Variants in KBTBD11 observed in about 807,000 individuals in gnomAD.
The protein encoded by KBTBD11 is kelch repeat and BTB domain-containing protein 11.
For missense variants in KBTBD11, 1,390 were observed against 1,001.8 expected (o/e 1.39, Z -5.23); for synonymous variants, 747 against 499.0 (o/e 1.50, Z -6.63).
chr8:1,974,317 G>C, intron 1 of KBTBD11: 3 of 984,480 alleles, frequency 3.0e-6, no homozygotes, highest in Non-Finnish European at 3.6e-6. Context: ...AGCCGCCCGC[G>C]CCGCGCCCGC....
chr8:1,977,224 T>C (rs1038415349), intron 1 of KBTBD11, among the ~76,000 whole-genome samples: 1 of 152,156 alleles, frequency 6.6e-6, no homozygotes, highest in Non-Finnish European at 1.5e-5. Flanking sequence ...TTCATATGGA[T>C]TAATTTTGTA....
chr8:1,978,476 T>G (rs1816426246), intron 1 of KBTBD11, among the ~76,000 whole-genome samples: 1 of 152,214 alleles, frequency 6.6e-6, no homozygotes, highest in South Asian at 2.1e-4. Context: ...CCCCTGTCAC[T>G]GTGTGACCGT....
Position 2,002,982 on chromosome 8 carries a change from C to T in KBTBD11, c.1790C>T (p.Pro597Leu), listed in dbSNP as rs553154802. 2 of 1,310,028 alleles carry T rather than the reference C, an allele frequency of 1.5e-6. No individual in the cohort carries two copies. Among genetic ancestry groups the T allele is most frequent in the Non-Finnish European group, 1.9e-6 (2 of 1,030,864 alleles). 81.2% of individuals were successfully genotyped at this position (1,310,028 alleles called of 1,614,324 possible). Residue 597 changes from proline to leucine, a missense_variant, in exon 2 of 2, where the codon CCC becomes CTC. Physicochemically the swap from Pro to Leu is moderately conservative, Grantham distance 98 (BLOSUM62 -3). Transcript: ENST00000320248. The surrounding 1 kb of genome is among the most constrained non-coding windows in gnomAD (Gnocchi z 4.1). The stretch of plus-strand genomic sequence containing the variant: ...GGCGGCTTCGAGGCGCTGGGCGCCC[C>T]CTTGGACGTCCGGGGTGTGCTCATC... ...QGGGFEALGAPLDVRGVLIPF... is the reference protein window; with the variant it reads ...QGGGFEALGALLDVRGVLIPF...
chr8:1,982,893 T>G (rs972098002), intron 1 of KBTBD11, among the ~76,000 whole-genome samples: 1 of 152,114 alleles, frequency 6.6e-6, no homozygotes, highest in Non-Finnish European at 1.5e-5. Context: ...GCCCAACTAA[T>G]TTTTGTACTT....
At chr8:1,985,958 C>T (rs903289857) in intron 1 of KBTBD11, among the ~76,000 whole-genome samples, 1 of 152,238 alleles carries the variant, frequency 6.6e-6, no homozygotes, top group African/African-American at 2.4e-5. Flanking sequence ...CACACTCCCG[C>T]GTGGCAATTG....
chr8:1,979,525 G>T (rs1816465927), intron 1 of KBTBD11, among the ~76,000 whole-genome samples: 1 of 152,198 alleles, frequency 6.6e-6, no homozygotes, highest in African/African-American at 2.4e-5. Context: ...AGCTACTTGG[G>T]AGGCTGAGGC....
intron 1 of KBTBD11, among the ~76,000 whole-genome samples, chr8:1,982,015 T>G (rs1816555935): frequency 6.6e-6 from 1 of 152,212 alleles, no homozygotes; most frequent in Non-Finnish European, 1.5e-5. Context: ...GCCTTTCTGT[T>G]GGTTCTGCTT....
chr8:1,989,724 C>T (rs1252055253), intron 1 of KBTBD11, among the ~76,000 whole-genome samples: 2 of 152,136 alleles, frequency 1.3e-5, no homozygotes, highest in South Asian at 2.1e-4. Context: ...GCCAGACACA[C>T]GAGTGCCCCC....
At position 2,001,233 on chromosome 8, in the gene KBTBD11, CTG is replaced by C. The variant is rs1397273148; in HGVS notation, c.42_43del (p.Glu15AlafsTer80). On this transcript the variant is annotated frameshift_variant, in exon 2 of 2. Transcript: ENST00000320248. LOFTEE classifies it low-confidence loss of function (END_TRUNC). ...GCCCCCTGCGTCCTCTACCCAGGGA[CTG>C]AGCCCGGGGCTGCCGGGGAGAGCGA... 25 of 1,475,502 alleles carry C rather than the reference CTG, an allele frequency of 1.7e-5. No individual in the cohort carries two copies. The highest frequency in any genetic ancestry group is 2.2e-5 in the Non-Finnish European group (25 of 1,116,040). The allele number at this position is 1,475,502 out of a possible 1,614,324, so 91.4% of individuals were successfully genotyped here.
At position 2,001,564 on chromosome 8, in the gene KBTBD11, G is replaced by C. The variant is rs926783540; in HGVS notation, c.372G>C (p.Gly124=). 7 of 1,441,858 alleles carry C rather than the reference G, an allele frequency of 4.9e-6. No homozygotes were observed. Among genetic ancestry groups the C allele is most frequent in the Non-Finnish European group, 6.3e-6 (7 of 1,103,104 alleles). The allele number at this position is 1,441,858 out of a possible 1,614,324, so 89.3% of individuals were successfully genotyped here. Residue 124 remains glycine (G), a synonymous_variant, in exon 2 of 2, where the codon GGG becomes GGC. Coordinates refer to ENST00000320248, the MANE Select transcript of KBTBD11 (RefSeq NM_014867.3). ...ACCCCGCGTCCCCCGAGGAGCCCGG[G>C]GAGCCCGCGCCCGTACCCCCGGGGT... is the stretch of plus-strand genomic sequence containing the variant. The part of the protein sequence containing the change: ...LEDPASPEEP[G]EPAPVPPGFG...
At chr8:1,993,520 CCCAT>C (rs1171453325) in intron 1 of KBTBD11, among the ~76,000 whole-genome samples, 2 of 117,550 alleles carry the variant, frequency 1.7e-5, no homozygotes, top group African/African-American at 3.4e-5. Context: ...CATCCATCCA[CCCAT>C]CCATCCACCC....
Position 2,003,364 on chromosome 8 carries a change from T to G in KBTBD11, c.*300T>G. 2 of 294,536 alleles carry G rather than the reference T, an allele frequency of 6.8e-6. No homozygotes were observed. Among genetic ancestry groups the G allele is most frequent in the Non-Finnish European group, 1.3e-5 (2 of 156,572 alleles). 18.2% of individuals were successfully genotyped at this position (294,536 alleles called of 1,614,324 possible). On this transcript the variant is annotated 3_prime_UTR_variant, in exon 2 of 2. Coordinates refer to ENST00000320248, the MANE Select transcript of KBTBD11 (RefSeq NM_014867.3). ...GGTCAGCCTCAGGGTACAGTGGGGG[T>G]TCCTGAGGCAGCCTGCAGCCGGCCC...
intron 1 of KBTBD11, among the ~76,000 whole-genome samples, chr8:1,979,586 G>A (rs1033652206): frequency 2.0e-5 from 3 of 152,202 alleles, no homozygotes; most frequent in Admixed American, 6.5e-5. Context: ...CCGAGATTGC[G>A]CCACTGCACT....
In KBTBD11 at chr8:2,002,865, T is replaced by G. The variant is rs888130202; in HGVS notation, c.1673T>G (p.Leu558Arg). The change falls in exon 2 of 2, where the codon CTG becomes CGG. Residue 558 changes from leucine to arginine, a missense_variant. Physicochemically the swap from Leu to Arg is moderately radical, Grantham distance 102. Transcript: ENST00000320248. The surrounding 1 kb of genome is among the most constrained non-coding windows in gnomAD (Gnocchi z 4.1). ...CTGCAGCCCTTCCGCTGCGCCGCCCTGGACGGCGCCATCTACTGCGTGAGC... is the reference window on the plus strand; with the variant it reads ...CTGCAGCCCTTCCGCTGCGCCGCCCGGGACGGCGCCATCTACTGCGTGAGC... ...TGLQPFRCAALDGAIYCVSRA... is the reference protein window; with the variant it reads ...TGLQPFRCAARDGAIYCVSRA... The G allele has an allele frequency of 7.3e-7, 1 of 1,367,018 alleles. No homozygotes were observed. Among genetic ancestry groups the G allele is most frequent in the South Asian group, 1.7e-5 (1 of 58,402 alleles). 84.7% of individuals were successfully genotyped at this position (1,367,018 alleles called of 1,614,324 possible). A position where few individuals can be genotyped will look rare whatever the true frequency, so the allele number is the denominator to read the frequency against.
chr8:1,988,850 G>C (rs1292830971), intron 1 of KBTBD11, among the ~76,000 whole-genome samples: 3 of 150,094 alleles, frequency 2.0e-5, no homozygotes, highest in African/African-American at 7.6e-5. Context: ...GCAAATGAAT[G>C]AATATTGCTA....
intron 1 of KBTBD11, among the ~76,000 whole-genome samples, chr8:1,983,522 A>G (rs1816608950): frequency 6.6e-6 from 1 of 152,138 alleles, no homozygotes; most frequent in South Asian, 2.1e-4. Context: ...CACTGGCTGC[A>G]TGACCTCATG....
chr8:1,993,602 C>G (rs1323340284), intron 1 of KBTBD11, among the ~76,000 whole-genome samples: 1 of 148,950 alleles, frequency 6.7e-6, no homozygotes, highest in East Asian at 2.0e-4. Flanking sequence ...GTTGCCCTTA[C>G]ACAGTCCAGC....
At chr8:1,977,998 A>T (rs1241730272) in intron 1 of KBTBD11, among the ~76,000 whole-genome samples, 10 of 152,178 alleles carry the variant, frequency 6.6e-5, no homozygotes, top group Non-Finnish European at 1.5e-4. Context: ...AAACAATAGC[A>T]TTTATTTATA....
intron 1 of KBTBD11, among the ~76,000 whole-genome samples, chr8:1,998,060 A>C (rs1200161547): frequency 6.6e-6 from 1 of 152,240 alleles, no homozygotes; most frequent in Admixed American, 6.5e-5. Flanking sequence ...GTGTGAGTTG[A>C]ACATCCCAAA....
Sources: allele counts gnomAD v4.1 joint callset (sites outside exome capture counted in the v4.1 genomes callset), GRCh38; gene constraint gnomAD v4.1.1; non-coding constraint Gnocchi (gnomAD v3.1); transcripts MANE v1.5; gene names NCBI Gene and HGNC (gene_info 2026-07-23, HGNC 2026-07-21).